Variants in TAAR5 observed in about 807,000 individuals in gnomAD.
TAAR5 encodes trace amine associated receptor 5.
A neutral mutation model predicts 21.1 loss-of-function variants in TAAR5; 27 were observed. That is an observed-to-expected ratio of 1.28 (90% CI 0.94 to 1.76). TAAR5 has a LOEUF of 1.76. Among genes scored for constraint, TAAR5 ranks in the 40% most tolerant of loss-of-function variants. The probability of loss-of-function intolerance (pLI) is 0.00; values close to 1 mark genes in which losing one functional copy is unlikely to be tolerated. For missense variants in TAAR5, 495 were observed against 405.6 expected (o/e 1.22, Z -1.89); for synonymous variants, 203 against 167.5 (o/e 1.21, Z -1.64).
At chr6:132,615,877 A>AACACAC in the TAAR5 span, among the ~76,000 whole-genome samples, 11 of 145,244 alleles carry the variant, frequency 7.6e-5, no homozygotes, top group Admixed American at 4.2e-4. Context: ...ACCATGTATA[A>AACACAC]ACACACACAC....
chr6:132,606,393 T>A, the TAAR5 span, among the ~76,000 whole-genome samples: 1 of 151,864 alleles, frequency 6.6e-6, no homozygotes, highest in Non-Finnish European at 1.5e-5. Flanking sequence ...ACTACAGAAG[T>A]GGAGAAAGTC....
upstream of TAAR5, among the ~76,000 whole-genome samples, chr6:132,591,714 C>T (rs184377815): frequency 2.0e-3 from 305 of 152,260 alleles, no homozygotes; most frequent in Non-Finnish European, 2.9e-3. Context: ...AACAAATGTC[C>T]TGTAGCTGGA....
chr6:132,601,091 GGGAGGGAA>G, the TAAR5 span, among the ~76,000 whole-genome samples: 1 of 23,678 alleles, frequency 4.2e-5, no homozygotes, highest in Non-Finnish European at 7.1e-5. Flanking sequence ...GAAGGAAGGA[GGGAGGGAA>G]GGAGGGAAGA....
the TAAR5 span, among the ~76,000 whole-genome samples, chr6:132,613,959 C>T: frequency 2.6e-5 from 4 of 152,136 alleles, no homozygotes; most frequent in Non-Finnish European, 5.9e-5. Context: ...TATGTATGTA[C>T]AAGCATATAA....
chr6:132,594,682 G>C (rs747073480), upstream of TAAR5: 2 of 152,120 alleles, frequency 1.3e-5, no homozygotes, highest in African/African-American at 4.8e-5. Context: ...CTGTTTTAGA[G>C]GATGCCTTTT....
chr6:132,610,702 TGA>T, the TAAR5 span, among the ~76,000 whole-genome samples: 1 of 152,190 alleles, frequency 6.6e-6, no homozygotes, highest in Non-Finnish European at 1.5e-5. Context: ...TTTATAGAGC[TGA>T]CTGTTCCATG....
upstream of TAAR5, among the ~76,000 whole-genome samples, chr6:132,594,146 C>T (rs958987597): frequency 2.0e-5 from 3 of 152,184 alleles, no homozygotes; most frequent in Non-Finnish European, 4.4e-5. Context: ...AATTTGGAAT[C>T]TCAGGAGTCA....
At chr6:132,597,555 A>C in the TAAR5 span, among the ~76,000 whole-genome samples, 1 of 152,166 alleles carries the variant, frequency 6.6e-6, no homozygotes, top group Non-Finnish European at 1.5e-5. Context: ...TTCAGAAAAG[A>C]TAGATACAGC....
chr6:132,611,598 A>G, the TAAR5 span, among the ~76,000 whole-genome samples: 1 of 152,202 alleles, frequency 6.6e-6, no homozygotes, highest in Non-Finnish European at 1.5e-5. Context: ...AAAAATTTTT[A>G]AAGGAAAAGT....
chr6:132,609,929 A>G, the TAAR5 span, among the ~76,000 whole-genome samples: 3 of 151,808 alleles, frequency 2.0e-5, no homozygotes, highest in Admixed American at 1.3e-4. Context: ...TCTGTTTGCT[A>G]CTCTCTTCCT....
chr6:132,594,993 A>G, the TAAR5 span: 3 of 152,226 alleles, frequency 2.0e-5, no homozygotes, highest in African/African-American at 7.2e-5. Context: ...GTTCTATGAC[A>G]GGGATGGTAA....
the TAAR5 span, among the ~76,000 whole-genome samples, chr6:132,616,027 G>T: frequency 1.3e-5 from 2 of 151,736 alleles, no homozygotes; most frequent in South Asian, 2.1e-4. Flanking sequence ...TAAAAATATT[G>T]TTCACAGCCA....
chr6:132,598,812 C>T, the TAAR5 span, among the ~76,000 whole-genome samples: 1 of 151,616 alleles, frequency 6.6e-6, no homozygotes, highest in Non-Finnish European at 1.5e-5. Flanking sequence ...TAGCCTCACA[C>T]AAGGCCAAAG....
chr6:132,594,527 T>C (rs939644019), upstream of TAAR5: 2 of 152,078 alleles, frequency 1.3e-5, no homozygotes, highest in Non-Finnish European at 2.9e-5. Context: ...AGAGTTGAAA[T>C]AGCCTAGCCA....
upstream of TAAR5, among the ~76,000 whole-genome samples, chr6:132,590,109 G>A (rs1776885901): frequency 6.6e-6 from 1 of 152,176 alleles, no homozygotes; most frequent in Non-Finnish European, 1.5e-5. Flanking sequence ...AATGTAAAGT[G>A]AAATTTAAAG....
the TAAR5 span, among the ~76,000 whole-genome samples, chr6:132,602,769 C>A: frequency 9.7e-6 from 1 of 103,414 alleles, no homozygotes; most frequent in Non-Finnish European, 1.8e-5. Flanking sequence ...GCTCTAAGAC[C>A]TTTAGAAGTC....
chr6:132,613,507 TTC>T, the TAAR5 span, among the ~76,000 whole-genome samples: 2 of 152,300 alleles, frequency 1.3e-5, no homozygotes, highest in East Asian at 3.9e-4. Flanking sequence ...GTTACAAATG[TTC>T]AAATATTAAT....
At chr6:132,592,504 G>C (rs144532223), upstream of TAAR5, among the ~76,000 whole-genome samples, 1,020 of 152,350 alleles carry the variant, frequency 6.7e-3, 8 homozygotes, top group Middle Eastern at 0.058. Flanking sequence ...ATTTGGGTCT[G>C]TGTCCCCGTG....
upstream of TAAR5, among the ~76,000 whole-genome samples, chr6:132,592,089 AG>A (rs1776914780): frequency 6.6e-6 from 1 of 152,224 alleles, no homozygotes; most frequent in South Asian, 2.1e-4. Flanking sequence ...CACAGGCAAA[AG>A]TAATTGGATT....
Sources: allele counts gnomAD v4.1 joint callset (sites outside exome capture counted in the v4.1 genomes callset), GRCh38; gene constraint gnomAD v4.1.1; transcripts MANE v1.5; gene names NCBI Gene and HGNC (gene_info 2026-07-23, HGNC 2026-07-21).